The following CEP350 variants were observed in gnomAD, a reference collection of about 807,000 sequenced individuals.
CEP350 encodes centrosome-associated protein 350.
In CEP350, 126 loss-of-function variants were observed where a neutral mutation model predicts 331.8. The observed-to-expected ratio is 0.38, with a 90% confidence interval of 0.33 to 0.44. CEP350 has a LOEUF of 0.44. Ranked by LOEUF, CEP350 falls within the 20% of genes least tolerant of loss-of-function variation. The pLI is 1.00. For missense variants in CEP350, 3,406 were observed against 3,634.6 expected (o/e 0.94, Z 1.62); for synonymous variants, 1,200 against 1,259.5 (o/e 0.95, Z 1.00).
At chr1:179,975,164 A>G (rs942440174) in intron 1 of CEP350, among the ~76,000 whole-genome samples, 6 of 152,164 alleles carry the variant, frequency 3.9e-5, no homozygotes, top group Admixed American at 1.3e-4. Context: ...GGAAAAGACA[A>G]TGTGGAGATA....
At chr1:180,048,088 G>T (rs969272770) in intron 21 of CEP350, among the ~76,000 whole-genome samples, 3 of 152,178 alleles carry the variant, frequency 2.0e-5, no homozygotes, top group African/African-American at 7.2e-5. Context: ...ATCTAATATT[G>T]CAAAGCAATA....
chr1:180,102,388 G>A (rs777911228), intron 37 of CEP350, among the ~76,000 whole-genome samples: 4 of 152,008 alleles, frequency 2.6e-5, no homozygotes, highest in Non-Finnish European at 4.4e-5. Context: ...CACCTGTCTC[G>A]GCCTCCCAAA....
At chr1:180,098,478 C>A (rs898433469) in intron 36 of CEP350, among the ~76,000 whole-genome samples, 4 of 151,974 alleles carry the variant, frequency 2.6e-5, no homozygotes, top group Non-Finnish European at 4.4e-5. Flanking sequence ...GTAGCCAGAA[C>A]TACAGTCATG....
chr1:179,967,812 T>C (rs1651128627), intron 1 of CEP350, among the ~76,000 whole-genome samples: 1 of 152,240 alleles, frequency 6.6e-6, no homozygotes, highest in Non-Finnish European at 1.5e-5. Flanking sequence ...ATATAAAATA[T>C]GTATGCACAC....
At chr1:180,062,741 A>G (rs560721931) in intron 26 of CEP350, among the ~76,000 whole-genome samples, 23 of 152,126 alleles carry the variant, frequency 1.5e-4, no homozygotes, top group Non-Finnish European at 3.4e-4. Flanking sequence ...TTCTCTTATT[A>G]AGCCACTAAA....
intron 1 of CEP350, among the ~76,000 whole-genome samples, chr1:179,974,610 C>T (rs1651712716): frequency 6.6e-6 from 1 of 152,086 alleles, no homozygotes; most frequent in Non-Finnish European, 1.5e-5. Flanking sequence ...GATTGTGAGC[C>T]ATAAGTGCTC....
rs568984538 is a variant in CEP350, at chr1:179,980,394, A to G, written c.-13-5775A>G. On this transcript the variant is annotated intron_variant, in intron 1 of 37. Transcript: ENST00000367607. ...ACTGATTTTTGTATGTTGATTTTGT[A>G]TCCTACAAATTTACTGAATTCATTT... Among the ~76,000 whole-genome samples, 85 of 151,536 alleles carry G rather than the reference A, an allele frequency of 5.6e-4. 1 individual carries two copies. Among genetic ancestry groups the G allele is most frequent in the Admixed American group, 7.9e-4 (12 of 15,204 alleles).
intron 4 of CEP350, among the ~76,000 whole-genome samples, chr1:179,990,997 G>A (rs1490600625): frequency 6.6e-6 from 1 of 151,656 alleles, no homozygotes; most frequent in African/African-American, 2.4e-5. Context: ...GCAGCCTCAT[G>A]TTCAGTAACC....
At chr1:180,023,782 C>T (rs1334414371) in intron 13 of CEP350, among the ~76,000 whole-genome samples, 1 of 152,136 alleles carries the variant, frequency 6.6e-6, no homozygotes, top group Non-Finnish European at 1.5e-5. Flanking sequence ...CTATATTTAG[C>T]TGCCATAAAA....
At chr1:179,981,871 G>GGGTGGGGACACAGAACCAAACCA (rs1652293562) in intron 1 of CEP350, among the ~76,000 whole-genome samples, 1 of 151,858 alleles carries the variant, frequency 6.6e-6, no homozygotes, top group Non-Finnish European at 1.5e-5. Context: ...ATGGTGGTGT[G>GGGTGGGGACACAGAACCAAACCA]TACCTGTAGT....
Position 180,020,595 on chromosome 1 carries a change from G to A in CEP350, c.2821G>A (p.Gly941Ser). 1 of 1,613,962 alleles carries A rather than the reference G, an allele frequency of 6.2e-7. No individual in the cohort carries two copies. The highest frequency in any genetic ancestry group is 8.5e-7 in the Non-Finnish European group (1 of 1,179,880). Residue 941 changes from glycine to serine, a missense_variant, in exon 12 of 38, where the codon GGT becomes AGT. Transcript: ENST00000367607. ...ATCAAGCTTTAGAGTGAGATCCCCTGGTCCCAAACCAGAAGGGCTACTGGC... is the reference window on the plus strand; with the variant it reads ...ATCAAGCTTTAGAGTGAGATCCCCTAGTCCCAAACCAGAAGGGCTACTGGC... The part of the protein sequence containing the change: ...AISSFRVRSP[G>S]PKPEGLLAQL...
chr1:180,095,511 C>G lies in CEP350; in HGVS notation c.8512-12C>G, dbSNP rs1247178715. On this transcript the variant is annotated splice_polypyrimidine_tract_variant and intron_variant, in intron 34 of 37. Coordinates refer to ENST00000367607, the MANE Select transcript of CEP350 (RefSeq NM_014810.5). Reference sequence around the variant, plus strand: ...TAAATGGTGCTCTGTTTGAATGGTTCCATTTCTATAGGAGAGCCCAGTATT... The same window carrying G: ...TAAATGGTGCTCTGTTTGAATGGTTGCATTTCTATAGGAGAGCCCAGTATT... 1 of 1,607,948 alleles carries G rather than the reference C, an allele frequency of 6.2e-7. No individual in the cohort carries two copies.
intron 33 of CEP350, among the ~76,000 whole-genome samples, chr1:180,091,277 G>C (rs2149125784): frequency 6.6e-6 from 1 of 151,944 alleles, no homozygotes; most frequent in East Asian, 1.9e-4. Context: ...CCTCAGCCTG[G>C]TTGAACATTA....
intron 14 of CEP350, among the ~76,000 whole-genome samples, chr1:180,025,767 A>G (rs966438881): frequency 8.5e-5 from 13 of 152,132 alleles, no homozygotes; most frequent in African/African-American, 3.1e-4. Context: ...GGGTAAGGGA[A>G]GGGAGAGCAT....
In CEP350 at chr1:179,996,648, G is replaced by C. The variant is rs370506850; in HGVS notation, c.491G>C (p.Gly164Ala). The C allele has an allele frequency of 6.8e-6, 11 of 1,612,788 alleles. No individual in the cohort carries two copies. The South Asian group carries it at 1.2e-4, about 18-fold the overall frequency. Reference sequence around the variant, plus strand: ...GTTAATGAAGAAAAGACTGAGAGCGGTAACTGGATGATAGGCAGTCGAGAA... The same window carrying C: ...GTTAATGAAGAAAAGACTGAGAGCGCTAACTGGATGATAGGCAGTCGAGAA... ...VDVNEEKTES[G>A]NWMIGSREER... Residue 164 changes from glycine to alanine, a missense_variant, in exon 6 of 38, where the codon GGT becomes GCT. By Grantham distance (60) the Gly-to-Ala change is moderately conservative. Coordinates refer to ENST00000367607, the MANE Select transcript of CEP350 (RefSeq NM_014810.5).
chr1:180,009,232 A>G (rs1571860553), intron 8 of CEP350, among the ~76,000 whole-genome samples: 1 of 151,716 alleles, frequency 6.6e-6, no homozygotes, highest in African/African-American at 2.4e-5. Context: ...ATGGTCTTGA[A>G]CTCCTGGCCT....
intron 6 of CEP350, among the ~76,000 whole-genome samples, chr1:180,001,788 T>C (rs983654202): frequency 6.6e-6 from 1 of 152,170 alleles, no homozygotes; most frequent in African/African-American, 2.4e-5. Flanking sequence ...GAAGAATAAA[T>C]AATATTGTCT....
intron 31 of CEP350, chr1:180,084,403 C>T (rs536947568): frequency 6.7e-6 from 2 of 296,442 alleles, no homozygotes; most frequent in South Asian, 6.5e-5. Context: ...CTCGCTCTGT[C>T]GCCTAGGCTG....
chr1:180,099,894 T>C (rs1207209660), intron 37 of CEP350, among the ~76,000 whole-genome samples: 1 of 151,728 alleles, frequency 6.6e-6, no homozygotes, highest in East Asian at 1.9e-4. Flanking sequence ...CAAGTGATTC[T>C]CATGCCTCAA....
Sources: allele counts gnomAD v4.1 joint callset (sites outside exome capture counted in the v4.1 genomes callset), GRCh38; gene constraint gnomAD v4.1.1; transcripts MANE v1.5; gene names NCBI Gene and HGNC (gene_info 2026-07-23, HGNC 2026-07-21).